RETREG1: variants seen among roughly 807,000 people sequenced by gnomAD.
RETREG1 encodes the protein reticulophagy regulator 1.
In RETREG1, 44 loss-of-function variants were observed where a neutral mutation model predicts 54.8. The observed-to-expected ratio is 0.80, with a 90% CI of 0.63 to 1.03. The LOEUF (loss-of-function observed/expected upper bound fraction) is 1.03. Among genes scored for constraint, RETREG1 ranks in the 50% least tolerant of loss-of-function variants. RETREG1 has a pLI of 0.00. For synonymous variants in RETREG1, 217 were observed against 238.5 expected (o/e 0.91, Z 0.83); for missense variants, 554 against 605.1 (o/e 0.92, Z 0.89).
rs1461560540 is a variant in RETREG1, at chr5:16,593,709, T to G, written c.321-21607A>C. On this transcript the variant is annotated intron_variant, in intron 1 of 8. Transcript: ENST00000306320. The surrounding 1 kb of genome is among the most constrained non-coding windows in gnomAD (Gnocchi z 4.9). The stretch of plus-strand genomic sequence containing the variant: ...CTTATTTCTTCTCTTTCAGAAGACC[T>G]GGCCTCTGATAACCAAGAGAAGTAA... Among the ~76,000 whole-genome samples, 1 of 152,338 alleles carries G rather than the reference T, an allele frequency of 6.6e-6. No individual in the cohort carries two copies. Among genetic ancestry groups the G allele is most frequent in the East Asian group, 1.9e-4 (1 of 5,184 alleles).
chr5:16,603,821 C>T (rs1446594248), intron 1 of RETREG1, among the ~76,000 whole-genome samples: 1 of 152,098 alleles, frequency 6.6e-6, no homozygotes, highest in Non-Finnish European at 1.5e-5. Context: ...CCAGAGCCCA[C>T]ATGACATCTT....
intron 1 of RETREG1, among the ~76,000 whole-genome samples, chr5:16,613,847 ATTAT>A (rs140789254): frequency 0.018 from 2,794 of 152,316 alleles, 78 homozygotes; most frequent in African/African-American, 0.063. Context: ...GAAGAAATAC[ATTAT>A]TTAAAGAAAA....
chr5:16,504,058 C>A (rs766444371), intron 3 of RETREG1, among the ~76,000 whole-genome samples: 1 of 152,212 alleles, frequency 6.6e-6, no homozygotes, highest in Non-Finnish European at 1.5e-5. Context: ...TCCCTCCCCC[C>A]AACCCATCCC....
intron 3 of RETREG1, among the ~76,000 whole-genome samples, chr5:16,532,326 A>C (rs1376691634): frequency 6.6e-6 from 1 of 152,174 alleles, no homozygotes; most frequent in Non-Finnish European, 1.5e-5. Context: ...GGAGTTCGAG[A>C]CCAGCCTGAC....
At chr5:16,613,249 T>G (rs148968318) in intron 1 of RETREG1, among the ~76,000 whole-genome samples, 2 of 152,204 alleles carry the variant, frequency 1.3e-5, no homozygotes, top group African/African-American at 4.8e-5. Context: ...ATCTGTTTAC[T>G]GTGTAGTGGT....
chr5:16,590,884 CACGCACACACACAT>C (rs1742750623), intron 1 of RETREG1, among the ~76,000 whole-genome samples: 2 of 148,684 alleles, frequency 1.3e-5, no homozygotes, highest in Non-Finnish European at 3.0e-5. Flanking sequence ...CATACACACA[CACGCACACACACAT>C]GCACAAACAC....
chr5:16,581,248 C>T (rs575527319), intron 1 of RETREG1, among the ~76,000 whole-genome samples: 82 of 152,260 alleles, frequency 5.4e-4, no homozygotes, highest in African/African-American at 1.9e-3. Flanking sequence ...CAGGACTGCA[C>T]GTGAGCTGAG....
rs748693031 is a variant in RETREG1 at position 16,593,642 on chromosome 5, T to C, written c.321-21540A>G. On this transcript the variant is annotated intron_variant, in intron 1 of 8. Coordinates refer to ENST00000306320, the MANE Select transcript of RETREG1 (RefSeq NM_001034850.3). This position sits in a 1 kb window ranked among gnomAD's most constrained non-coding sequence, Gnocchi z 4.9. ...TTTATTAAAGACCCTTTGGGAAGCA[T>C]CAGATAACATGAATGGCCCTTGGAT... Among the ~76,000 whole-genome samples the C allele has an allele frequency of 6.6e-6, 1 of 152,114 alleles. No homozygotes were observed. Among genetic ancestry groups the C allele is most frequent in the Non-Finnish European group, 1.5e-5 (1 of 68,026 alleles).
chr5:16,510,843 CCT>C (rs1740153084), intron 3 of RETREG1, among the ~76,000 whole-genome samples: 1 of 127,906 alleles, frequency 7.8e-6, no homozygotes, highest in Non-Finnish European at 1.7e-5. Context: ...AAAAAAAAAA[CCT>C]AATCAACACA....
intron 1 of RETREG1, among the ~76,000 whole-genome samples, chr5:16,573,412 G>C (rs368344345): frequency 1.3e-5 from 2 of 152,092 alleles, no homozygotes; most frequent in African/African-American, 4.8e-5. Context: ...TTAGAGGTCT[G>C]TTTACACAAG....
intron 3 of RETREG1, among the ~76,000 whole-genome samples, chr5:16,556,277 GCCT>G (rs1741705483): frequency 6.6e-6 from 1 of 151,812 alleles, no homozygotes; most frequent in African/African-American, 2.4e-5. Flanking sequence ...TCCTGCCTCA[GCCT>G]CCGGAGCTGG....
chr5:16,510,615 C>A (rs1740139910), intron 3 of RETREG1, among the ~76,000 whole-genome samples: 2 of 151,976 alleles, frequency 1.3e-5, no homozygotes, highest in South Asian at 2.1e-4. Flanking sequence ...TATAGTGAAA[C>A]CCTGTCTCTA....
rs1181801174 is a variant in RETREG1, at chr5:16,573,461, GA to G, written c.321-1360del. Among the ~76,000 whole-genome samples the G allele has an allele frequency of 3.3e-5, 5 of 152,110 alleles. No homozygotes were observed. The East Asian group carries it at 9.6e-4, about 29-fold the overall frequency. ...CTGCCAATGAATATTAACTTTGATAGAATCAGAACTCATAGAAAAATTAATT... is the reference window on the plus strand; with the variant it reads ...CTGCCAATGAATATTAACTTTGATAGATCAGAACTCATAGAAAAATTAATT... On this transcript the variant is annotated intron_variant, in intron 1 of 8. Transcript: ENST00000306320.
intron 3 of RETREG1, among the ~76,000 whole-genome samples, chr5:16,485,376 A>C (rs542821323): frequency 1.3e-5 from 2 of 152,184 alleles, no homozygotes; most frequent in Non-Finnish European, 2.9e-5. Flanking sequence ...AGATGGAATA[A>C]ATGAACAGTT....
intron 3 of RETREG1, among the ~76,000 whole-genome samples, chr5:16,544,182 G>T (rs1011943323): frequency 6.6e-6 from 1 of 151,948 alleles, no homozygotes; most frequent in Non-Finnish European, 1.5e-5. Context: ...TGCCGTGTTG[G>T]CCAGGCTGGT....
intron 3 of RETREG1, among the ~76,000 whole-genome samples, chr5:16,487,985 C>A (rs1454692033): frequency 6.6e-6 from 1 of 152,210 alleles, no homozygotes; most frequent in Non-Finnish European, 1.5e-5. Context: ...ACACCCAGGG[C>A]ACTGTTTAAG....
At chr5:16,600,028 T>G (rs561795196) in intron 1 of RETREG1, among the ~76,000 whole-genome samples, 1 of 152,220 alleles carries the variant, frequency 6.6e-6, no homozygotes, top group South Asian at 2.1e-4. Context: ...CGAGGACAGG[T>G]GTGAAGATGT....
chr5:16,613,338 A>G (rs80163552), intron 1 of RETREG1, among the ~76,000 whole-genome samples: 94 of 152,312 alleles, frequency 6.2e-4, no homozygotes, highest in African/African-American at 2.1e-3. Context: ...ATCATCTACT[A>G]GATCTCCCAA....
intron 3 of RETREG1, among the ~76,000 whole-genome samples, chr5:16,538,654 G>A (rs951709717): frequency 5.3e-5 from 8 of 151,920 alleles, no homozygotes; most frequent in African/African-American, 1.7e-4. Context: ...TTCCAGTGGG[G>A]TCACAGACAT....
Sources: allele counts gnomAD v4.1 joint callset (sites outside exome capture counted in the v4.1 genomes callset), GRCh38; gene constraint gnomAD v4.1.1; non-coding constraint Gnocchi (gnomAD v3.1); transcripts MANE v1.5; gene names NCBI Gene and HGNC (gene_info 2026-07-23, HGNC 2026-07-21).